Variants in DMD observed in about 807,000 individuals in gnomAD.
The protein encoded by DMD is mutant dystrophin.
A neutral mutation model predicts 330.1 loss-of-function variants in DMD; 63 were observed. That is an observed-to-expected ratio of 0.19 (90% confidence interval 0.16 to 0.24). The LOEUF (loss-of-function observed/expected upper bound fraction) is 0.24. DMD is among the 10% of genes least tolerant of loss of function. The pLI is 1.00. For missense variants in DMD, 3,344 were observed against 2,684.1 expected (o/e 1.25, Z -5.43); for synonymous variants, 1,223 against 959.8 (o/e 1.27, Z -5.07).
chrX:31,686,192 T>C (rs1327684182), intron 52 of DMD, among the ~76,000 whole-genome samples: 2 of 112,530 alleles, frequency 1.8e-5, no homozygotes, highest in East Asian at 5.6e-4. Flanking sequence ...AAAACATCCT[T>C]AGTGCACAAA....
intron 38 of DMD, among the ~76,000 whole-genome samples, 186 bp from the exon 39 acceptor site, chrX:32,346,266 A>C (rs937073767): frequency 1.8e-5 from 2 of 111,796 alleles, no homozygotes; most frequent in East Asian, 2.8e-4. Flanking sequence ...GTTTCAAAAT[A>C]AGTTTCCTCC....
intron 30 of DMD, among the ~76,000 whole-genome samples, chrX:32,404,603 A>C (rs1340957826): frequency 8.9e-6 from 1 of 111,851 alleles, no homozygotes; most frequent in East Asian, 2.8e-4. Context: ...TCAACACATA[A>C]GGACATGGTG....
intron 59 of DMD, among the ~76,000 whole-genome samples, chrX:31,469,610 C>T (rs1308265785): frequency 9.0e-6 from 1 of 111,473 alleles, no homozygotes; most frequent in Non-Finnish European, 1.9e-5. Context: ...ACATTTTTTC[C>T]TTCATTTCAA....
chrX:31,360,384 C>T (rs1228022199), intron 60 of DMD, among the ~76,000 whole-genome samples: 2 of 112,063 alleles, frequency 1.8e-5, no homozygotes, highest in Non-Finnish European at 3.8e-5. Flanking sequence ...GCAAGTATTT[C>T]CATACTCTAC....
At chrX:33,023,207 T>G (rs1382226206) in intron 1 of DMD, among the ~76,000 whole-genome samples, 4 of 112,114 alleles carry the variant, frequency 3.6e-5, no homozygotes, top group Non-Finnish European at 7.5e-5. Flanking sequence ...AATAATATTC[T>G]TTCTTTTTCA....
At chrX:31,997,092 C>G (rs973126326) in intron 44 of DMD, among the ~76,000 whole-genome samples, 12 of 111,672 alleles carry the variant, frequency 1.1e-4, no homozygotes, top group Non-Finnish European at 1.9e-4. Context: ...CAAAGAGGTG[C>G]CTGAACTGGG....
chrX:33,290,783 C>T (rs767460537), intron 1 of DMD, among the ~76,000 whole-genome samples: 4 of 111,158 alleles, frequency 3.6e-5, no homozygotes, highest in Non-Finnish European at 7.6e-5. Flanking sequence ...GCCAGAAAGT[C>T]GAATTTCTTT....
intron 44 of DMD, among the ~76,000 whole-genome samples, chrX:32,049,930 T>A (rs1323490573): frequency 8.9e-6 from 1 of 111,735 alleles, no homozygotes; most frequent in Non-Finnish European, 1.9e-5. Context: ...TTATCAGTTG[T>A]ATTGTATCTT....
intron 1 of DMD, among the ~76,000 whole-genome samples, chrX:33,108,475 C>G (rs1314828654): frequency 0.025 from 1 of 40 alleles, no homozygotes; most frequent in African/African-American, 0.083. Context: ...CTATGTTGGC[C>G]AGGCTGGCTC....
chrX:33,180,708 T>C (rs147038365), intron 1 of DMD, among the ~76,000 whole-genome samples: 60 of 111,692 alleles, frequency 5.4e-4, no homozygotes, highest in Non-Finnish European at 9.8e-4. Flanking sequence ...AGGTGATTTC[T>C]TCAGAGTCAA....
chrX:33,145,673 G>A (rs1466867945), intron 1 of DMD, among the ~76,000 whole-genome samples: 2 of 108,330 alleles, frequency 1.8e-5, no homozygotes, highest in Middle Eastern at 4.9e-3. Flanking sequence ...ATGTCCAGTA[G>A]AAAGTATGCT....
intron 1 of DMD, among the ~76,000 whole-genome samples, chrX:33,268,642 A>G (rs767072117): frequency 2.0e-4 from 22 of 112,092 alleles, no homozygotes; most frequent in African/African-American, 7.1e-4. Flanking sequence ...AAAAGTCAAG[A>G]AAGGCTGAGT....
intron 63 of DMD, among the ~76,000 whole-genome samples, chrX:31,255,167 C>T (rs928050197): frequency 2.7e-5 from 3 of 110,763 alleles, no homozygotes; most frequent in African/African-American, 9.8e-5. Context: ...GGGACCTAGA[C>T]ATAAATTGTG....
rs772317444 is a variant in DMD, at chrX:32,545,312, G to A, written c.2015C>T (p.Thr672Ile). 8.3e-7 allele frequency: 1 copy of A among 1,210,652 alleles called. No homozygotes were observed. Among genetic ancestry groups the A allele is most frequent in the East Asian group, 3.0e-5 (1 of 33,833 alleles). ...AGTTGTCTGTGTTAGTGATGGCTGAGTGGTGGTGACAGCCTGTGAAATCTG... is the reference window on the plus strand; with the variant it reads ...AGTTGTCTGTGTTAGTGATGGCTGAATGGTGGTGACAGCCTGTGAAATCTG... ...TAQISQAVTTTQPSLTQTTVM... is the reference protein window; with the variant it reads ...TAQISQAVTTIQPSLTQTTVM... The change falls in exon 17 of 79, where the codon ACT becomes ATT. Residue 672 changes from threonine (T) to isoleucine (I), a missense_variant. Physicochemically the swap from Thr to Ile is moderately conservative, Grantham distance 89 (BLOSUM62 -1). Transcript: ENST00000357033.
chrX:32,731,582 C>T (rs2067658329), intron 7 of DMD, among the ~76,000 whole-genome samples: 1 of 112,344 alleles, frequency 8.9e-6, no homozygotes, highest in Non-Finnish European at 1.9e-5. Flanking sequence ...GGCAGACTGC[C>T]TCCTCAAGTG....
chrX:32,018,924 G>A (rs1412355739), intron 44 of DMD, among the ~76,000 whole-genome samples: 1 of 111,510 alleles, frequency 9.0e-6, no homozygotes, highest in Non-Finnish European at 1.9e-5. Flanking sequence ...TTCACAATAG[G>A]TCTCAGTGAA....
At chrX:33,170,138 T>C (rs2049265025) in intron 1 of DMD, among the ~76,000 whole-genome samples, 1 of 111,475 alleles carries the variant, frequency 9.0e-6, no homozygotes. Context: ...TATAATTATT[T>C]CTAGAGTTAC....
In DMD at chrX:32,937,096, CAG is replaced by C. The variant is rs761071977; in HGVS notation, c.93+83041_93+83042del. On this transcript the variant is annotated intron_variant, in intron 2 of 78. Transcript: ENST00000357033. ...GCCAGTTTGCTAAAGGGGTTATCAA[CAG>C]AGATATGCTCAGTGTTAGGAAATTC... 1.6e-4 allele frequency among the ~76,000 whole-genome samples: 18 copies of C among 110,604 alleles called. No homozygotes were observed. In the East Asian group the frequency reaches 5.2e-3, roughly 32 times the overall value.
intron 2 of DMD, among the ~76,000 whole-genome samples, chrX:32,938,401 T>C (rs1027252736): frequency 2.7e-5 from 3 of 111,574 alleles, no homozygotes; most frequent in African/African-American, 9.8e-5. Context: ...CAAAGGACTG[T>C]AGAGCTTTTA....
Sources: gnomAD v4.1 joint callset for allele counts (sites outside exome capture counted in the v4.1 genomes callset) on GRCh38, gnomAD v4.1.1 for gene constraint, MANE v1.5 for transcripts, NCBI Gene and HGNC (gene_info 2026-07-23, HGNC 2026-07-21) for gene names.